Variants in PEPD observed in about 807,000 individuals in gnomAD.
PEPD encodes peptidase D.
In PEPD, 53 loss-of-function variants were observed where a neutral mutation model predicts 60.7. That is an observed-to-expected ratio of 0.87 (90% confidence interval 0.70 to 1.10). The LOEUF is 1.10. Ranked by LOEUF, PEPD falls within the 50% of genes least tolerant of loss-of-function variation. The pLI is 0.00. For synonymous variants in PEPD, 267 were observed against 284.1 expected (o/e 0.94, Z 0.60); for missense variants, 711 against 711.9 (o/e 1.00, Z 0.01).
chr19:33,511,107 C>T lies in PEPD; in HGVS notation c.250G>A (p.Gly84Ser). 1 of 1,613,402 alleles carries T rather than the reference C, an allele frequency of 6.2e-7. No homozygotes were observed. Among genetic ancestry groups the T allele is most frequent in the Non-Finnish European group, 8.5e-7 (1 of 1,179,334 alleles). Residue 84 changes from glycine to serine, a missense_variant, in exon 3 of 15, where the codon GGT becomes AGT. Transcript: ENST00000244137. ...AFGVTEPGCYGVIDVDTGKST... is the reference protein window; with the variant it reads ...AFGVTEPGCYSVIDVDTGKST... ...TTCCCAGTGTCAACATCGATGACAC[C>T]ATAGCAGCCTGGCTCAGTGACACCG...
At chr19:33,421,891 C>T (rs915284703) in intron 9 of PEPD, among the ~76,000 whole-genome samples, 1 of 152,130 alleles carries the variant, frequency 6.6e-6, no homozygotes, top group Non-Finnish European at 1.5e-5. Flanking sequence ...TTCTCTCTCC[C>T]CTGGGAGATG....
chr19:33,414,070 C>T (rs773192993), intron 9 of PEPD, among the ~76,000 whole-genome samples: 1 of 151,922 alleles, frequency 6.6e-6, no homozygotes, highest in African/African-American at 2.4e-5. Flanking sequence ...CCACCACCCA[C>T]CCTGCCAGGA....
intron 9 of PEPD, among the ~76,000 whole-genome samples, chr19:33,442,653 G>A (rs1190256215): frequency 1.3e-5 from 2 of 151,958 alleles, no homozygotes; most frequent in Non-Finnish European, 2.9e-5. Context: ...AGGTTGCAGT[G>A]AGCCGAGATT....
At chr19:33,433,728 C>T (rs1007707986) in intron 9 of PEPD, among the ~76,000 whole-genome samples, 12 of 152,332 alleles carry the variant, frequency 7.9e-5, no homozygotes, top group African/African-American at 1.4e-4. Context: ...TTTCTGTCAT[C>T]GGCCAACCGA....
intron 1 of PEPD, among the ~76,000 whole-genome samples, chr19:33,518,476 G>C (rs532003781): frequency 7.2e-5 from 11 of 152,144 alleles, no homozygotes; most frequent in Admixed American, 1.3e-4. Context: ...CGGCTCAACA[G>C]GGGTACACGT....
chr19:33,391,602 G>C, intron 12 of PEPD, 123 bp from the exon 13 acceptor site: 1 of 895,200 alleles, frequency 1.1e-6, no homozygotes, highest in Non-Finnish European at 1.8e-6. Context: ...TGGGGGGTGA[G>C]GGGGCAAGGG....
chr19:33,448,348 C>T (rs1328535431), intron 9 of PEPD, among the ~76,000 whole-genome samples: 2 of 152,118 alleles, frequency 1.3e-5, no homozygotes, highest in African/African-American at 2.4e-5. Context: ...GACACAGCCA[C>T]CTCCGAGGTG....
intron 4 of PEPD, among the ~76,000 whole-genome samples, chr19:33,493,710 T>C (rs1300116059): frequency 1.3e-5 from 2 of 151,994 alleles, no homozygotes; most frequent in African/African-American, 4.8e-5. Context: ...GGGAACCCTT[T>C]AGGCTCCAGG....
chr19:33,446,816 G>A (rs1314373717), intron 9 of PEPD, among the ~76,000 whole-genome samples: 1 of 152,314 alleles, frequency 6.6e-6, no homozygotes, highest in Non-Finnish European at 1.5e-5. Flanking sequence ...ACGGCTTTCC[G>A]ATGTGCCTCC....
chr19:33,447,202 C>T (rs1470793860), intron 9 of PEPD, among the ~76,000 whole-genome samples: 2 of 152,224 alleles, frequency 1.3e-5, no homozygotes, highest in Non-Finnish European at 2.9e-5. Context: ...ACCCCAAGTG[C>T]TGTCACAGGT....
intron 11 of PEPD, among the ~76,000 whole-genome samples, chr19:33,407,666 A>C (rs1968662219): frequency 1.3e-5 from 2 of 152,206 alleles, no homozygotes; most frequent in Non-Finnish European, 2.9e-5. Flanking sequence ...GGGTTTAAAA[A>C]GGAAAACAAA....
chr19:33,521,666 T>C, intron 1 of PEPD, 78 bp downstream of exon 1: 1 of 1,448,282 alleles, frequency 6.9e-7, no homozygotes, highest in Non-Finnish European at 9.4e-7. Context: ...CGGCTGACGC[T>C]CTCACCCGCG....
Position 33,478,060 on chromosome 19 carries a change from T to C in PEPD, c.534A>G (p.Pro178=), listed in dbSNP as rs376361050. The change falls in exon 7 of 15, where the codon CCA becomes CCG. Residue 178 remains proline, a synonymous_variant. Coordinates refer to ENST00000244137, the MANE Select transcript of PEPD (RefSeq NM_000285.4). ...GCCGTACTCACCACTCAACGATCTC[T>C]GGGTGAAGAATGGTATTGTTGACTT... The part of the protein sequence containing the change: ...KFEVNNTILH[P]EIVECRVFKT... 3.4e-5 allele frequency: 54 copies of C among 1,610,226 alleles called. No individual in the cohort carries two copies. The highest frequency in any genetic ancestry group is 4.3e-5 in the Non-Finnish European group (51 of 1,177,264).
At chr19:33,516,423 C>A (rs1568514630) in intron 1 of PEPD, among the ~76,000 whole-genome samples, 1 of 152,130 alleles carries the variant, frequency 6.6e-6, no homozygotes. Flanking sequence ...CCTCAGAGAC[C>A]CACAGAACAA....
intron 9 of PEPD, among the ~76,000 whole-genome samples, chr19:33,453,685 T>C (rs1969742887): frequency 6.6e-6 from 1 of 152,270 alleles, no homozygotes; most frequent in African/African-American, 2.4e-5. Flanking sequence ...ATATTTGCTT[T>C]ATTGCAGTAG....
At chr19:33,410,029 G>T (rs113941720) in intron 11 of PEPD, among the ~76,000 whole-genome samples, 1 of 152,252 alleles carries the variant, frequency 6.6e-6, no homozygotes, top group Non-Finnish European at 1.5e-5. Flanking sequence ...GGCTACGCAG[G>T]GGGGACTGGG....
intron 4 of PEPD, among the ~76,000 whole-genome samples, chr19:33,497,786 T>C (rs1970634994): frequency 6.6e-6 from 1 of 152,122 alleles, no homozygotes; most frequent in Non-Finnish European, 1.5e-5. Context: ...CTCAGGGGGT[T>C]CAGTCCAGCA....
chr19:33,393,647 C>A (rs954707636), intron 12 of PEPD, among the ~76,000 whole-genome samples: 4 of 152,336 alleles, frequency 2.6e-5, no homozygotes, highest in African/African-American at 9.6e-5. Flanking sequence ...CGGACAGTGG[C>A]ATTGGCCACC....
intron 12 of PEPD, among the ~76,000 whole-genome samples, chr19:33,393,067 A>G (rs913870401): frequency 8.6e-4 from 130 of 150,576 alleles, no homozygotes; most frequent in Non-Finnish European, 4.3e-4. Flanking sequence ...AGATGCCCAG[A>G]CCTGCCCCCA....
Sources: gnomAD v4.1 joint callset for allele counts (sites outside exome capture counted in the v4.1 genomes callset) on GRCh38, gnomAD v4.1.1 for gene constraint, MANE v1.5 for transcripts, NCBI Gene and HGNC (gene_info 2026-07-23, HGNC 2026-07-21) for gene names.